The following ADAMTS19 variants were observed in gnomAD, a reference collection of about 807,000 sequenced individuals.
ADAMTS19 encodes the protein A disintegrin and metalloproteinase with thrombospondin motifs 19.
ADAMTS19 carries 93 observed loss-of-function variants against 153.3 expected under a neutral mutation model. The observed-to-expected ratio is 0.61, with a 90% CI of 0.51 to 0.72. ADAMTS19 has a LOEUF of 0.72. Ranked by LOEUF, ADAMTS19 falls within the 30% of genes least tolerant of loss-of-function variation. The pLI, the probability that ADAMTS19 is intolerant of heterozygous loss-of-function variation, is 0.00. For synonymous variants in ADAMTS19, 600 were observed against 556.6 expected, an observed-to-expected ratio of 1.08 and a Z score of -1.10; for missense variants, 1,482 against 1,552.1, an observed-to-expected ratio of 0.95 and a Z score of 0.76.
intron 7 of ADAMTS19, among the ~76,000 whole-genome samples, chr5:129,559,532 G>C (rs1257385735): frequency 6.6e-6 from 1 of 152,074 alleles, no homozygotes; most frequent in African/African-American, 2.4e-5. Flanking sequence ...GTGAATCTAT[G>C]GAAACAATGT....
intron 21 of ADAMTS19, among the ~76,000 whole-genome samples, chr5:129,713,257 ATT>A (rs1489182343): frequency 3.3e-5 from 5 of 152,214 alleles, no homozygotes; most frequent in Non-Finnish European, 7.3e-5. Context: ...TTTGATATGA[ATT>A]TTATAAAATT....
In ADAMTS19 at chr5:129,601,660, T is replaced by G. The variant is rs116197906; in HGVS notation, c.1478+4996T>G. On this transcript the variant is annotated intron_variant, in intron 8 of 22. Transcript: ENST00000274487. ...GGCCAGAGTCCAGGAGACACCAGGC[T>G]CAAGCTTCCAGTTGTTCTGTCCCAA... 4.6e-3 allele frequency among the ~76,000 whole-genome samples: 704 copies of G among 152,296 alleles called. 9 individuals are homozygous for G. The highest frequency in any genetic ancestry group is 0.016 in the African/African-American group (674 of 41,580).
chr5:129,551,772 A>G (rs1753128623), intron 6 of ADAMTS19, 92 bp from the exon 7 acceptor site: 2 of 721,684 alleles, frequency 2.8e-6, no homozygotes, highest in Non-Finnish European at 4.6e-6. Context: ...ATGTGCTTCA[A>G]TTAATCATAT....
chr5:129,557,610 T>C (rs1253778889), intron 7 of ADAMTS19, among the ~76,000 whole-genome samples: 7 of 152,006 alleles, frequency 4.6e-5, no homozygotes, highest in Admixed American at 3.9e-4. Context: ...CAAAAACTTA[T>C]AATAAAATAA....
intron 7 of ADAMTS19, among the ~76,000 whole-genome samples, chr5:129,591,442 A>G (rs1031152583): frequency 6.6e-6 from 1 of 151,718 alleles, no homozygotes; most frequent in African/African-American, 2.4e-5. Context: ...ACAGGCATGC[A>G]CCACCACGCC....
intron 2 of ADAMTS19, among the ~76,000 whole-genome samples, chr5:129,491,777 C>G (rs1191264367): frequency 6.6e-6 from 1 of 152,116 alleles, no homozygotes; most frequent in Non-Finnish European, 1.5e-5. Context: ...CTACTATTCT[C>G]TTTTAATACT....
At chr5:129,620,882 C>G (rs1751749714) in intron 9 of ADAMTS19, 124 bp downstream of exon 9, 1 of 972,218 alleles carries the variant, frequency 1.0e-6, no homozygotes, top group Non-Finnish European at 1.5e-6. Context: ...GTACTTGGTT[C>G]CAATCCTGGC....
chr5:129,584,669 G>C (rs1749694590), intron 7 of ADAMTS19, among the ~76,000 whole-genome samples: 1 of 152,128 alleles, frequency 6.6e-6, no homozygotes, highest in Admixed American at 6.5e-5. Context: ...TGCTGAGTTT[G>C]AACTTCCTGG....
In ADAMTS19 at chr5:129,737,504, T is replaced by G. The variant is rs1549892; in HGVS notation, c.*286T>G. ...AATAGATCATTATACTTAAAACAAGTTTTCGTTGTTTGTTAGGGCTATCTC... is the reference window on the plus strand; with the variant it reads ...AATAGATCATTATACTTAAAACAAGGTTTCGTTGTTTGTTAGGGCTATCTC... On this transcript the variant is annotated 3_prime_UTR_variant, in exon 23 of 23. Transcript: ENST00000274487. The G allele has an allele frequency of 0.94, 176,489 of 187,518 alleles. 83,188 individuals carry two copies. Among genetic ancestry groups the G allele is most frequent in the East Asian group, 1 (7,616 of 7,624 alleles). The allele number at this position is 187,518 out of a possible 1,614,324, so 11.6% of individuals were successfully genotyped here.
chr5:129,536,919 G>C (rs968639776), intron 6 of ADAMTS19, among the ~76,000 whole-genome samples: 2 of 150,746 alleles, frequency 1.3e-5, no homozygotes, highest in African/African-American at 2.5e-5. Context: ...TGGGGTGGCG[G>C]GTCGGGGGAG....
chr5:129,547,688 T>G (rs1752913078), intron 6 of ADAMTS19, among the ~76,000 whole-genome samples: 1 of 150,578 alleles, frequency 6.6e-6, no homozygotes, highest in African/African-American at 2.5e-5. Context: ...AAAGTTCATA[T>G]GGAACCAAAA....
At chr5:129,552,679 G>A (rs192688268) in intron 7 of ADAMTS19, among the ~76,000 whole-genome samples, 1 of 151,880 alleles carries the variant, frequency 6.6e-6, no homozygotes, top group African/African-American at 2.4e-5. Flanking sequence ...TGACCATTTT[G>A]TTGTGTCATT....
intron 21 of ADAMTS19, among the ~76,000 whole-genome samples, chr5:129,709,399 T>A (rs1202921138): frequency 6.6e-6 from 1 of 152,186 alleles, no homozygotes; most frequent in Non-Finnish European, 1.5e-5. Flanking sequence ...CTGGATTATT[T>A]CTAGTAAAAA....
chr5:129,467,132 A>T (rs1749892122), intron 2 of ADAMTS19, among the ~76,000 whole-genome samples: 1 of 152,212 alleles, frequency 6.6e-6, no homozygotes, highest in African/African-American at 2.4e-5. Flanking sequence ...TGTTCAGACA[A>T]ATATGGCTGA....
intron 6 of ADAMTS19, among the ~76,000 whole-genome samples, chr5:129,530,190 A>G (rs1424290399): frequency 6.6e-6 from 1 of 152,178 alleles, no homozygotes. Context: ...TAGTCAAGCA[A>G]AGAAACATGA....
chr5:129,634,469 A>G (rs994771797), intron 10 of ADAMTS19, among the ~76,000 whole-genome samples: 5 of 152,138 alleles, frequency 3.3e-5, no homozygotes, highest in African/African-American at 1.2e-4. Context: ...AAGCCCAAAT[A>G]GCCAAGGCAA....
At chr5:129,553,724 A>T (rs189345596) in intron 7 of ADAMTS19, among the ~76,000 whole-genome samples, 1 of 152,078 alleles carries the variant, frequency 6.6e-6, no homozygotes, top group Non-Finnish European at 1.5e-5. Flanking sequence ...TATAGATGGG[A>T]TCTTTCCCTA....
chr5:129,665,845 A>AAACAG (rs1754026403), intron 16 of ADAMTS19, among the ~76,000 whole-genome samples: 1 of 150,192 alleles, frequency 6.7e-6, no homozygotes, highest in African/African-American at 2.4e-5. Context: ...AAACAAAACA[A>AAACAG]AAACCTCATT....
rs199946168 is a variant in ADAMTS19, at chr5:129,674,824, TA to T, written c.2507-4939del. ...ACTAAAAATAATATCGATACTTTTT[TA>T]TACATTTACCACTATCAGCTTCCTT... On this transcript the variant is annotated intron_variant, in intron 16 of 22. Coordinates refer to ENST00000274487, the MANE Select transcript of ADAMTS19 (RefSeq NM_133638.6). 8.4e-3 allele frequency among the ~76,000 whole-genome samples: 1,279 copies of T among 152,292 alleles called. 19 individuals carry two copies. Among genetic ancestry groups the T allele is most frequent in the African/African-American group, 0.025 (1,036 of 41,566 alleles).
Sources: gnomAD v4.1 joint callset for allele counts (sites outside exome capture counted in the v4.1 genomes callset) on GRCh38, gnomAD v4.1.1 for gene constraint, MANE v1.5 for transcripts, NCBI Gene and HGNC (gene_info 2026-07-23, HGNC 2026-07-21) for gene names.